Variants in SHISA9 observed in about 807,000 individuals in gnomAD.
SHISA9 encodes protein shisa-9.
Under a neutral mutation model 38.0 loss-of-function variants are expected in SHISA9, and 13 were observed. That is an observed-to-expected ratio of 0.34 (90% CI 0.22 to 0.54). The LOEUF (loss-of-function observed/expected upper bound fraction) is 0.54, where lower values mean the gene tolerates loss of function less well. Among genes scored for constraint, SHISA9 ranks in the 20% least tolerant of loss-of-function variants. The pLI, the probability that SHISA9 is intolerant of heterozygous loss-of-function variation, is 0.91. For missense variants in SHISA9, 538 were observed against 575.8 expected (o/e 0.93, Z 0.67); for synonymous variants, 275 against 242.0 (o/e 1.14, Z -1.27).
chr16:13,204,975 A>G (rs1363157725), intron 3 of SHISA9: 3 of 152,204 alleles, frequency 2.0e-5, no homozygotes. Flanking sequence ...CAGTTTGCTC[A>G]TAAAAGGGTT....
chr16:12,933,786 T>C (rs1375178031), intron 2 of SHISA9, among the ~76,000 whole-genome samples: 1 of 152,200 alleles, frequency 6.6e-6, no homozygotes, highest in East Asian at 1.9e-4. Flanking sequence ...TCTTGTGTTA[T>C]CTAGTTAGGC....
At chr16:13,362,289 G>C in the SHISA9 span, among the ~76,000 whole-genome samples, 1 of 150,530 alleles carries the variant, frequency 6.6e-6, no homozygotes, top group Non-Finnish European at 1.5e-5. Flanking sequence ...ACAAAAACCA[G>C]CCCAGCGTGG....
chr16:13,044,605 G>A (rs1043153407), intron 2 of SHISA9, among the ~76,000 whole-genome samples: 5 of 152,202 alleles, frequency 3.3e-5, no homozygotes, highest in South Asian at 2.1e-4. Context: ...AGGAAGCACC[G>A]TGGGGCTCAG....
the SHISA9 span, among the ~76,000 whole-genome samples, chr16:13,255,406 T>A: frequency 1.3e-5 from 2 of 152,238 alleles, no homozygotes; most frequent in Non-Finnish European, 2.9e-5. Context: ...TGGGACTCTG[T>A]GTCTCTTTAT....
At chr16:13,525,553 C>G in the SHISA9 span, among the ~76,000 whole-genome samples, 2 of 152,138 alleles carry the variant, frequency 1.3e-5, no homozygotes, top group African/African-American at 4.8e-5. Flanking sequence ...CAATCCCAAA[C>G]TTTGATCACC....
At chr16:13,057,141 G>A (rs1263844436) in intron 2 of SHISA9, among the ~76,000 whole-genome samples, 1 of 152,192 alleles carries the variant, frequency 6.6e-6, no homozygotes, top group Non-Finnish European at 1.5e-5. Flanking sequence ...TCCTGCCTGG[G>A]GCTGGAGGGT....
intron 2 of SHISA9, among the ~76,000 whole-genome samples, chr16:13,069,905 A>G (rs544602417): frequency 6.6e-6 from 1 of 152,260 alleles, no homozygotes; most frequent in South Asian, 2.1e-4. Flanking sequence ...ATGAGTCCTC[A>G]TCAGACACCT....
At chr16:13,525,239 C>T in the SHISA9 span, among the ~76,000 whole-genome samples, 3 of 152,016 alleles carry the variant, frequency 2.0e-5, no homozygotes, top group Non-Finnish European at 4.4e-5. Context: ...TTTGTTATGT[C>T]GTCAGAGCTA....
intron 2 of SHISA9, among the ~76,000 whole-genome samples, chr16:13,015,277 C>G (rs2072727141): frequency 6.6e-6 from 1 of 152,220 alleles, no homozygotes. Context: ...CCCCACAAAG[C>G]CTAGAATATT....
the SHISA9 span, among the ~76,000 whole-genome samples, chr16:13,506,273 C>G: frequency 8.5e-5 from 13 of 152,234 alleles, no homozygotes; most frequent in African/African-American, 3.1e-4. Flanking sequence ...ATGCCAGGCA[C>G]AGTTCAAGGG....
At chr16:12,970,360 T>TATATATAC (rs2072044605) in intron 2 of SHISA9, among the ~76,000 whole-genome samples, 1 of 73,074 alleles carries the variant, frequency 1.4e-5, no homozygotes, top group African/African-American at 4.6e-5. Flanking sequence ...TGTGTATATA[T>TATATATAC]ATATATATAC....
the SHISA9 span, among the ~76,000 whole-genome samples, chr16:13,520,325 C>T: frequency 5.3e-5 from 8 of 151,994 alleles, no homozygotes; most frequent in African/African-American, 1.4e-4. Context: ...GGGGGCCAGG[C>T]GTGGTGGCTC....
At chr16:13,439,924 T>C in the SHISA9 span, among the ~76,000 whole-genome samples, 2 of 152,178 alleles carry the variant, frequency 1.3e-5, no homozygotes, top group Non-Finnish European at 2.9e-5. Flanking sequence ...AGGGCAGTGA[T>C]CTCAGCGATT....
At chr16:13,551,594 C>G in the SHISA9 span, among the ~76,000 whole-genome samples, 1 of 152,210 alleles carries the variant, frequency 6.6e-6, no homozygotes, top group Non-Finnish European at 1.5e-5. Context: ...GACATACATT[C>G]ATGTACATAA....
chr16:13,538,044 A>G, the SHISA9 span, among the ~76,000 whole-genome samples: 2 of 152,102 alleles, frequency 1.3e-5, no homozygotes, highest in Non-Finnish European at 1.5e-5. Context: ...AGTTTCTCTA[A>G]ACTTTCTTTC....
At chr16:13,245,444 A>G in the SHISA9 span, among the ~76,000 whole-genome samples, 1 of 152,186 alleles carries the variant, frequency 6.6e-6, no homozygotes, top group Admixed American at 6.5e-5. Flanking sequence ...AGGGATAACA[A>G]TAGTATCTCT....
intron 2 of SHISA9, among the ~76,000 whole-genome samples, chr16:12,989,961 T>C (rs1280948826): frequency 6.6e-6 from 1 of 152,150 alleles, no homozygotes; most frequent in East Asian, 1.9e-4. Flanking sequence ...CCCTGGTGTG[T>C]GTTGTTCCCC....
the SHISA9 span, among the ~76,000 whole-genome samples, chr16:13,557,383 C>T: frequency 6.6e-6 from 1 of 152,194 alleles, no homozygotes; most frequent in Non-Finnish European, 1.5e-5. Context: ...GAATTTCAAC[C>T]AAACCCAATG....
intron 2 of SHISA9, among the ~76,000 whole-genome samples, chr16:13,017,578 G>T (rs568900509): frequency 3.4e-5 from 5 of 149,046 alleles, no homozygotes; most frequent in African/African-American, 1.2e-4. Context: ...ACAATAATTC[G>T]TTGACTGGTA....
Sources: allele counts gnomAD v4.1 joint callset (sites outside exome capture counted in the v4.1 genomes callset), GRCh38; gene constraint gnomAD v4.1.1; transcripts MANE v1.5; gene names NCBI Gene and HGNC (gene_info 2026-07-23, HGNC 2026-07-21).